FBXL13: variants seen among roughly 807,000 people sequenced by gnomAD.
FBXL13 encodes F-box and leucine-rich repeat protein 13.
In FBXL13, 67 loss-of-function variants were observed where a neutral mutation model predicts 83.6. The ratio of observed to expected loss-of-function variants is 0.80; its 90% CI spans 0.66 to 0.98. The LOEUF (loss-of-function observed/expected upper bound fraction) is 0.98, where lower values mean the gene tolerates loss of function less well. Ranked by LOEUF, FBXL13 falls within the 50% of genes least tolerant of loss-of-function variation. The probability of loss-of-function intolerance (pLI) is 0.00; values close to 1 mark genes in which losing one functional copy is unlikely to be tolerated. For synonymous variants in FBXL13, 272 were observed against 299.5 expected, an observed-to-expected ratio of 0.91 and a Z score of 0.95; for missense variants, 822 against 866.5, an observed-to-expected ratio of 0.95 and a Z score of 0.64.
chr7:102,921,254 C>A (rs1432297365), intron 10 of FBXL13, among the ~76,000 whole-genome samples: 2 of 152,170 alleles, frequency 1.3e-5, no homozygotes, highest in African/African-American at 4.8e-5. Flanking sequence ...TGCTTACTAA[C>A]CTTTGTTAAT....
chr7:103,059,067 C>T (rs117017477), intron 1 of FBXL13, among the ~76,000 whole-genome samples: 3,870 of 152,130 alleles, frequency 0.025, 77 homozygotes, highest in South Asian at 0.052. Context: ...CAGGACTACC[C>T]GGGGCAATAC....
chr7:102,837,562 TTTTC>T (rs1490585470), intron 17 of FBXL13, among the ~76,000 whole-genome samples: 2 of 152,220 alleles, frequency 1.3e-5, no homozygotes, highest in Non-Finnish European at 2.9e-5. Flanking sequence ...TCTTATAAGC[TTTTC>T]TTTCTTTTTG....
intron 11 of FBXL13, among the ~76,000 whole-genome samples, chr7:102,900,998 C>T (rs931878904): frequency 6.6e-6 from 1 of 152,150 alleles, no homozygotes; most frequent in South Asian, 2.1e-4. Context: ...GCAGGCAATG[C>T]GATTAAGTGG....
chr7:102,860,958 A>G (rs1435012662), intron 16 of FBXL13, among the ~76,000 whole-genome samples: 3 of 151,564 alleles, frequency 2.0e-5, no homozygotes, highest in Non-Finnish European at 4.4e-5. Context: ...TTTTATATAC[A>G]TATGCATAGT....
At chr7:102,834,032 T>A (rs1037331474) in intron 17 of FBXL13, among the ~76,000 whole-genome samples, 1 of 75,470 alleles carries the variant, frequency 1.3e-5, no homozygotes, top group East Asian at 4.0e-4. Flanking sequence ...GAAACCATGA[T>A]GAAGGAAGGA....
intron 16 of FBXL13, among the ~76,000 whole-genome samples, chr7:102,864,188 C>G (rs1807285610): frequency 6.6e-6 from 1 of 152,160 alleles, no homozygotes; most frequent in Non-Finnish European, 1.5e-5. Flanking sequence ...AGCCTCATCT[C>G]CCTCCACATC....
chr7:102,926,433 CATTATCTTTCT>C, intron 9 of FBXL13, 59 bp from the exon 11 acceptor site: 1 of 1,332,544 alleles, frequency 7.5e-7, no homozygotes, highest in Non-Finnish European at 1.0e-6. Context: ...GCAATTTCCC[CATTATCTTTCT>C]ATTATCCCTC....
At chr7:102,893,486 G>C (rs957642443) in intron 11 of FBXL13, among the ~76,000 whole-genome samples, 2 of 152,210 alleles carry the variant, frequency 1.3e-5, no homozygotes, top group African/African-American at 4.8e-5. Context: ...GAAAGGAGAG[G>C]CTGGGCGCGG....
intron 8 of FBXL13, among the ~76,000 whole-genome samples, chr7:102,951,718 T>C (rs1034494796): frequency 4.8e-5 from 7 of 144,768 alleles, no homozygotes; most frequent in Non-Finnish European, 1.0e-4. Flanking sequence ...GGTGGGAGGA[T>C]CACTTAAGCC....
At chr7:103,037,313 T>C (rs761848058) in intron 2 of FBXL13, among the ~76,000 whole-genome samples, 2 of 152,204 alleles carry the variant, frequency 1.3e-5, no homozygotes, top group Non-Finnish European at 2.9e-5. Flanking sequence ...GATTCTTATT[T>C]GGGGCACAGG....
At chr7:102,897,625 ATCC>A (rs1812416824) in intron 11 of FBXL13, among the ~76,000 whole-genome samples, 1 of 152,156 alleles carries the variant, frequency 6.6e-6, no homozygotes, top group African/African-American at 2.4e-5. Flanking sequence ...AACAAAATAA[ATCC>A]AATGTGAAAT....
chr7:102,947,428 G>A lies in FBXL13; in HGVS notation c.725-15495C>T, dbSNP rs570107280. On this transcript the variant is annotated intron_variant, in intron 8 of 19. Transcript: ENST00000313221. ...TAAAGCTCCTGAACACATCAAAACA[G>A]AAATTAATCCAGGCCATCCAAAAGT... Among the ~76,000 whole-genome samples, 41 of 152,324 alleles carry A rather than the reference G, an allele frequency of 2.7e-4. 1 individual carries two copies. Among genetic ancestry groups the A allele is most frequent in the African/African-American group, 9.9e-4 (41 of 41,578 alleles).
At chr7:102,868,434 T>C (rs577475813) in intron 16 of FBXL13, among the ~76,000 whole-genome samples, 30 of 152,312 alleles carry the variant, frequency 2.0e-4, no homozygotes, top group Admixed American at 3.3e-4. Context: ...GCTTGGATTA[T>C]TTGACTTAAC....
intron 17 of FBXL13, among the ~76,000 whole-genome samples, chr7:102,849,975 G>A (rs78554025): frequency 0.054 from 8,137 of 151,582 alleles, 288 homozygotes; most frequent in East Asian, 0.12. Flanking sequence ...AAACCTGCAT[G>A]TTCTGCACAT....
intron 11 of FBXL13, among the ~76,000 whole-genome samples, chr7:102,889,272 G>A (rs1216926644): frequency 6.6e-6 from 1 of 152,182 alleles, no homozygotes; most frequent in Non-Finnish European, 1.5e-5. Context: ...CACAGAGTGG[G>A]TGCTCCAGAA....
At chr7:102,916,729 C>T (rs896773811) in intron 10 of FBXL13, among the ~76,000 whole-genome samples, 9 of 151,050 alleles carry the variant, frequency 6.0e-5, no homozygotes, top group Admixed American at 3.3e-4. Context: ...TCTAATTCTG[C>T]TTTGAGGCAA....
At chr7:102,830,457 G>A (rs1800467899) in intron 18 of FBXL13, among the ~76,000 whole-genome samples, 1 of 152,206 alleles carries the variant, frequency 6.6e-6, no homozygotes, top group African/African-American at 2.4e-5. Context: ...CAGTTGGTCA[G>A]CGCTTCTAGT....
At chr7:102,853,861 T>G (rs1350038800) in intron 17 of FBXL13, among the ~76,000 whole-genome samples, 2 of 151,932 alleles carry the variant, frequency 1.3e-5, no homozygotes, top group Non-Finnish European at 2.9e-5. Context: ...CATTAAAAAG[T>G]CAGGAAACAA....
intron 1 of FBXL13, among the ~76,000 whole-genome samples, chr7:103,065,916 C>T (rs2129502843): frequency 6.6e-6 from 1 of 152,356 alleles, no homozygotes; most frequent in South Asian, 2.1e-4. Flanking sequence ...GAAGAGTGGG[C>T]ACCACTGGGT....
Sources: gnomAD v4.1 joint callset for allele counts (sites outside exome capture counted in the v4.1 genomes callset) on GRCh38, gnomAD v4.1.1 for gene constraint, MANE v1.5 for transcripts, NCBI Gene and HGNC (gene_info 2026-07-23, HGNC 2026-07-21) for gene names.